ARHGAP22: variants seen among roughly 807,000 people sequenced by gnomAD.
The protein encoded by ARHGAP22 is rho GTPase-activating protein 22.
Under a neutral mutation model 59.1 loss-of-function variants are expected in ARHGAP22, and 48 were observed. That is an observed-to-expected ratio of 0.81 (90% CI 0.64 to 1.03). The LOEUF (loss-of-function observed/expected upper bound fraction) is 1.03, where lower values mean the gene tolerates loss of function less well. Ranked by LOEUF, ARHGAP22 falls within the 50% of genes least tolerant of loss-of-function variation. ARHGAP22 has a pLI of 0.00. For synonymous variants in ARHGAP22, 445 were observed against 416.4 expected (o/e 1.07, Z -0.84); for missense variants, 1,015 against 958.7 (o/e 1.06, Z -0.78).
chr10:48,515,057 C>G (rs2053158227), intron 3 of ARHGAP22, among the ~76,000 whole-genome samples: 1 of 151,962 alleles, frequency 6.6e-6, no homozygotes, highest in Admixed American at 6.6e-5. Flanking sequence ...GTATAGAAAA[C>G]AAATTCCAAA....
intron 2 of ARHGAP22, among the ~76,000 whole-genome samples, chr10:48,577,810 T>TTTTTTTTTTTTTG (rs2058836116): frequency 8.7e-6 from 1 of 114,784 alleles, no homozygotes; most frequent in Non-Finnish European, 1.7e-5. Context: ...GGTTTTTTTT[T>TTTTTTTTTTTTTG]TTTTTTTTTT....
At chr10:48,573,154 C>T (rs1470255896) in intron 2 of ARHGAP22, among the ~76,000 whole-genome samples, 5 of 152,180 alleles carry the variant, frequency 3.3e-5, no homozygotes, top group Admixed American at 2.6e-4. Flanking sequence ...ATGTCGCCTG[C>T]CCCTAGACTC....
At chr10:48,619,855 C>T (rs1159101115) in intron 1 of ARHGAP22, among the ~76,000 whole-genome samples, 1 of 152,092 alleles carries the variant, frequency 6.6e-6, no homozygotes, top group African/African-American at 2.4e-5. Context: ...AATAAGATTA[C>T]ATCAGACTAA....
chr10:48,459,594 C>A, intron 5 of ARHGAP22, 90 bp downstream of exon 5: 10 of 1,458,636 alleles, frequency 6.9e-6, no homozygotes, highest in Non-Finnish European at 9.5e-6. Flanking sequence ...CGCTAGCCCA[C>A]CCCTGCCCAC....
chr10:48,555,458 C>T lies in ARHGAP22; in HGVS notation c.322+5G>A, dbSNP rs2057237604. ...GCTGCAGAGCTGGAAGGTGCTCAGG[C>T]CTACCTGGGCTGATCTCAAAGAGGT... On this transcript the variant is annotated splice_donor_5th_base_variant and intron_variant, in intron 3 of 9. Coordinates refer to ENST00000249601, the MANE Select transcript of ARHGAP22 (RefSeq NM_021226.4). 1.9e-6 allele frequency: 3 copies of T among 1,613,738 alleles called. No individual in the cohort carries two copies. The highest frequency in any genetic ancestry group is 1.7e-6 in the Non-Finnish European group (2 of 1,179,866).
intron 3 of ARHGAP22, among the ~76,000 whole-genome samples, chr10:48,534,295 A>T (rs2055145091): frequency 6.6e-6 from 1 of 152,210 alleles, no homozygotes. Flanking sequence ...GAACTTGGCC[A>T]GCCTGCCCAG....
Position 48,450,420 on chromosome 10 carries a change from A to T in ARHGAP22, c.1709T>A (p.Met570Lys), listed in dbSNP as rs746135728. 1 of 1,568,762 alleles carries T rather than the reference A, an allele frequency of 6.4e-7. No homozygotes were observed. Among genetic ancestry groups the T allele is most frequent in the South Asian group, 1.2e-5 (1 of 85,444 alleles). The change falls in exon 9 of 10, where the codon ATG (methionine) becomes AAG (lysine). Residue 570 changes from methionine (M) to lysine (K), a missense_variant. Transcript: ENST00000249601. The stretch of plus-strand genomic sequence containing the variant: ...GCTGGCACCCGCGCCCGCCTCGTCC[A>T]TGCTGTGGTCCAGGTCCAGGGACTT... ...DPKSLDLDHSMDEAGAGASNS... is the reference protein window; with the variant it reads ...DPKSLDLDHSKDEAGAGASNS...
chr10:48,598,334 T>C (rs2060189774), intron 1 of ARHGAP22, among the ~76,000 whole-genome samples: 1 of 151,768 alleles, frequency 6.6e-6, no homozygotes, highest in East Asian at 2.0e-4. Context: ...ACAGATGGAC[T>C]GGTGGCCTAA....
At chr10:48,434,670 C>T in the ARHGAP22 span, among the ~76,000 whole-genome samples, 1 of 152,180 alleles carries the variant, frequency 6.6e-6, no homozygotes, top group Non-Finnish European at 1.5e-5. Flanking sequence ...AAGGATAGGA[C>T]TCCACGATTC....
At chr10:48,577,739 C>T (rs1413096771) in intron 2 of ARHGAP22, among the ~76,000 whole-genome samples, 5 of 145,676 alleles carry the variant, frequency 3.4e-5, no homozygotes, top group African/African-American at 7.5e-5. Flanking sequence ...TGAGTCGGGG[C>T]GGGCAGTCAC....
intron 1 of ARHGAP22, among the ~76,000 whole-genome samples, chr10:48,620,544 G>T (rs938905472): frequency 6.6e-6 from 1 of 152,122 alleles, no homozygotes; most frequent in Non-Finnish European, 1.5e-5. Context: ...GCTTCAGTTG[G>T]GGCCTTGATC....
At chr10:48,585,572 C>T (rs1033913761) in intron 1 of ARHGAP22, among the ~76,000 whole-genome samples, 2 of 152,150 alleles carry the variant, frequency 1.3e-5, no homozygotes, top group Non-Finnish European at 2.9e-5. Context: ...AAGGGGTTGT[C>T]CCCTCCAGAC....
chr10:48,613,188 T>C (rs974641027), intron 1 of ARHGAP22, among the ~76,000 whole-genome samples: 16 of 152,198 alleles, frequency 1.1e-4, no homozygotes, highest in Non-Finnish European at 1.6e-4. Flanking sequence ...GGCTCTCTTG[T>C]GTGTCACATG....
At chr10:48,473,357 T>C (rs1222015054) in intron 4 of ARHGAP22, among the ~76,000 whole-genome samples, 1 of 152,134 alleles carries the variant, frequency 6.6e-6, no homozygotes, top group Non-Finnish European at 1.5e-5. Flanking sequence ...AGAGTTTCAG[T>C]TTGGGAAGAT....
intron 1 of ARHGAP22, among the ~76,000 whole-genome samples, chr10:48,599,389 C>G (rs1291564335): frequency 6.6e-6 from 1 of 152,190 alleles, no homozygotes; most frequent in East Asian, 1.9e-4. Context: ...ACAGCATGTC[C>G]CATGAGCTCA....
Position 48,593,921 on chromosome 10 carries a change from T to C in ARHGAP22, c.35-10769A>G, listed in dbSNP as rs1225679744. On this transcript the variant is annotated intron_variant, in intron 1 of 9. Transcript: ENST00000249601. ...TATCCCACCTAGAATGGTGATAATGTTCCTAAAGGGAAGCCCGGAGCTGTT... is the reference window on the plus strand; with the variant it reads ...TATCCCACCTAGAATGGTGATAATGCTCCTAAAGGGAAGCCCGGAGCTGTT... 1.7e-4 allele frequency among the ~76,000 whole-genome samples: 26 copies of C among 152,258 alleles called. 1 individual carries two copies. The highest frequency in any genetic ancestry group is 2.9e-4 in the Non-Finnish European group (20 of 68,038).
At chr10:48,571,691 A>G (rs1157375509) in intron 2 of ARHGAP22, among the ~76,000 whole-genome samples, 1 of 152,220 alleles carries the variant, frequency 6.6e-6, no homozygotes, top group Non-Finnish European at 1.5e-5. Context: ...GTTATTTGCC[A>G]TGATACCGTG....
At chr10:48,620,239 C>A (rs1416552272) in intron 1 of ARHGAP22, among the ~76,000 whole-genome samples, 1 of 150,878 alleles carries the variant, frequency 6.6e-6, no homozygotes, top group African/African-American at 2.4e-5. Flanking sequence ...AGCCACGGAG[C>A]TGTATGTTTG....
At chr10:48,592,563 C>T (rs1160532505) in intron 1 of ARHGAP22, among the ~76,000 whole-genome samples, 1 of 152,192 alleles carries the variant, frequency 6.6e-6, no homozygotes, top group African/African-American at 2.4e-5. Flanking sequence ...TCCCATCTCC[C>T]CGTCTTCCTG....
Sources: allele counts gnomAD v4.1 joint callset (sites outside exome capture counted in the v4.1 genomes callset), GRCh38; gene constraint gnomAD v4.1.1; transcripts MANE v1.5; gene names NCBI Gene and HGNC (gene_info 2026-07-23, HGNC 2026-07-21).